ANAPC4: variants seen among roughly 807,000 people sequenced by gnomAD.
ANAPC4 encodes anaphase promoting complex subunit 4, also known as anaphase-promoting complex subunit 4.
Under a neutral mutation model 119.8 loss-of-function variants are expected in ANAPC4, and 63 were observed. The ratio of observed to expected loss-of-function variants is 0.53; its 90% confidence interval spans 0.43 to 0.65. The LOEUF (loss-of-function observed/expected upper bound fraction) is 0.65. Among genes scored for constraint, ANAPC4 ranks in the 30% least tolerant of loss-of-function variants. The pLI is 0.00. For missense variants in ANAPC4, 716 were observed against 945.1 expected (o/e 0.76, Z 3.18); for synonymous variants, 283 against 318.6 (o/e 0.89, Z 1.19).
In ANAPC4 at chr4:25,406,888, A is replaced by G; in HGVS notation, c.1374+3A>G. 1 of 1,592,608 alleles carries G rather than the reference A, an allele frequency of 6.3e-7. No homozygotes were observed. The highest frequency in any genetic ancestry group is 8.6e-7 in the Non-Finnish European group (1 of 1,168,512). ...TTCTTACTGAACATTTCAATGAGGTAAGAAGTTGATATTTCTGTAATGCAG... is the reference window on the plus strand; with the variant it reads ...TTCTTACTGAACATTTCAATGAGGTGAGAAGTTGATATTTCTGTAATGCAG... On this transcript the variant is annotated splice_donor_region_variant and intron_variant, in intron 19 of 28. Coordinates refer to ENST00000315368, the MANE Select transcript of ANAPC4 (RefSeq NM_013367.3).
At position 25,396,685 on chromosome 4, in the gene ANAPC4, C is replaced by A. The variant is rs1722670746; in HGVS notation, c.1083C>A (p.Tyr361Ter). 3 of 1,612,148 alleles carry A rather than the reference C, an allele frequency of 1.9e-6. No homozygotes were observed. The highest frequency in any genetic ancestry group is 2.5e-6 in the Non-Finnish European group (3 of 1,179,262). ...HLQSGSESLLYHLSELKGMAS... is the reference protein window; with the variant it reads ...HLQSGSESLL ...ATAGTGGCTCGGAGTCTTTATTATA[C>A]CATTTGAGTGAATTGAAAGGAATGG... Residue 361 changes from tyrosine to a stop codon, truncating the protein, a stop_gained, in exon 15 of 29, where the codon TAC becomes TAA. Transcript: ENST00000315368. LOFTEE classifies it high-confidence loss of function.
chr4:25,399,668 G>A lies in ANAPC4; in HGVS notation c.1214+2769G>A, dbSNP rs975248331. ...GTGTTAGATGTATGGAATTTGAAAT[G>A]CCCATTAGATCTGCAGGTGGAGCTG... On this transcript the variant is annotated intron_variant, in intron 16 of 28. Coordinates refer to ENST00000315368, the MANE Select transcript of ANAPC4 (RefSeq NM_013367.3). Among the ~76,000 whole-genome samples, 6 of 152,238 alleles carry A rather than the reference G, an allele frequency of 3.9e-5. No individual in the cohort carries two copies. The East Asian group carries it at 1.2e-3, about 29-fold the overall frequency.
intron 16 of ANAPC4, among the ~76,000 whole-genome samples, chr4:25,398,706 G>C (rs141252636): frequency 6.6e-6 from 1 of 152,262 alleles, no homozygotes; most frequent in African/African-American, 2.4e-5. Flanking sequence ...ATAGCTCATA[G>C]ATAGGCAAGG....
chr4:25,416,466 C>G lies in ANAPC4; in HGVS notation c.1943C>G (p.Thr648Ser). 1 of 1,588,986 alleles carries G rather than the reference C, an allele frequency of 6.3e-7. No homozygotes were observed. The highest frequency in any genetic ancestry group is 8.6e-7 in the Non-Finnish European group (1 of 1,164,588). The change falls in exon 27 of 29, where the codon ACT becomes AGT. Residue 648 changes from threonine to serine, a missense_variant. Physicochemically the swap from Thr to Ser is moderately conservative, Grantham distance 58. This residue lies in a region of ANAPC4 where 504 missense variants were observed against 615.8 expected (regional missense o/e 0.82). Transcript: ENST00000315368. ...CLDAQFYDDE[T>S]VTVVLKDTVG... ...GATGCACAGTTTTATGATGATGAAA[C>G]TGTAACAGTAGTTCTTAAAGACACT...
chr4:25,412,921 T>C (rs1723653094), intron 21 of ANAPC4: 1 of 152,156 alleles, frequency 6.6e-6, no homozygotes, highest in Non-Finnish European at 1.5e-5. Flanking sequence ...GTTCATTTTA[T>C]CCAGCATGGC....
intron 7 of ANAPC4, 84 bp from the exon 8 acceptor site, chr4:25,390,052 C>A: frequency 2.2e-6 from 2 of 922,646 alleles, no homozygotes; most frequent in Non-Finnish European, 3.4e-6. Context: ...TATATGAAAG[C>A]AGTAATAATT....
chr4:25,383,407 C>CAATTTTCTTGG lies in ANAPC4; in HGVS notation c.368+14_368+15insAATTTTCTTGG. The CAATTTTCTTGG allele has an allele frequency of 6.3e-7, 1 of 1,596,276 alleles. No individual in the cohort carries two copies. The highest frequency in any genetic ancestry group is 8.5e-7 in the Non-Finnish European group (1 of 1,173,974). On this transcript the variant is annotated intron_variant, in intron 4 of 28. Coordinates refer to ENST00000315368, the MANE Select transcript of ANAPC4 (RefSeq NM_013367.3). ...AGTAGAAAGCAGGTAATTAGAAAAA[C>CAATTTTCTTGG]TTATGTAGTCATAGGGTATTCATGA...
chr4:25,404,573 AACTGTAG>A (rs1182929429), intron 17 of ANAPC4, among the ~76,000 whole-genome samples: 1 of 152,068 alleles, frequency 6.6e-6, no homozygotes. Context: ...TACATATTCT[AACTGTAG>A]TAAGAATCAG....
intron 27 of ANAPC4, 115 bp from the exon 28 acceptor site, chr4:25,417,501 A>G: frequency 9.6e-7 from 1 of 1,043,138 alleles, no homozygotes; most frequent in Non-Finnish European, 1.3e-6. Context: ...ATTATATTGG[A>G]AATAGAAGTA....
intron 20 of ANAPC4, 26 bp downstream of exon 20, chr4:25,407,279 A>G: frequency 6.4e-7 from 1 of 1,553,682 alleles, no homozygotes; most frequent in Non-Finnish European, 8.7e-7. Context: ...TCATTTTAAA[A>G]CCTTAGCAGT....
chr4:25,391,427 C>T (rs1374463453), intron 9 of ANAPC4, among the ~76,000 whole-genome samples: 1 of 152,144 alleles, frequency 6.6e-6, no homozygotes, highest in African/African-American at 2.4e-5. Flanking sequence ...GTTATTATCC[C>T]CATTTTATAG....
intron 20 of ANAPC4, among the ~76,000 whole-genome samples, chr4:25,408,009 C>T (rs1384896526): frequency 2.0e-5 from 3 of 152,108 alleles, no homozygotes; most frequent in East Asian, 3.8e-4. Context: ...AGAGTGGTAA[C>T]GTTTCATATT....
Position 25,405,918 on chromosome 4 carries a change from A to G in ANAPC4, c.1317+299A>G, listed in dbSNP as rs140920481. Among the ~76,000 whole-genome samples, 4 of 152,312 alleles carry G rather than the reference A, an allele frequency of 2.6e-5. No homozygotes were observed. Among genetic ancestry groups the G allele is most frequent in the African/African-American group, 9.6e-5 (4 of 41,574 alleles). Reference sequence around the variant, plus strand: ...TTACTTTGACTTCCTTAAATTTTAAATGCTTCTTATTTTCCTTGGAAATCA... The same window carrying G: ...TTACTTTGACTTCCTTAAATTTTAAGTGCTTCTTATTTTCCTTGGAAATCA... On this transcript the variant is annotated intron_variant, in intron 18 of 28. Coordinates refer to ENST00000315368, the MANE Select transcript of ANAPC4 (RefSeq NM_013367.3). The surrounding 1 kb of genome is among the most constrained non-coding windows in gnomAD (Gnocchi z 4.6).
intron 16 of ANAPC4, among the ~76,000 whole-genome samples, chr4:25,399,654 A>G (rs1405575742): frequency 1.3e-5 from 2 of 152,128 alleles, no homozygotes; most frequent in Non-Finnish European, 2.9e-5. Context: ...TGTTAGATGT[A>G]TGGAATTTGA....
chr4:25,408,459 C>T (rs1723385638), intron 20 of ANAPC4, among the ~76,000 whole-genome samples: 1 of 151,788 alleles, frequency 6.6e-6, no homozygotes, highest in African/African-American at 2.4e-5. Flanking sequence ...TCATTAATAG[C>T]ACCACCAATT....
intron 21 of ANAPC4, 107 bp from the exon 22 acceptor site, chr4:25,413,538 C>T (rs1723693688): frequency 2.8e-6 from 2 of 704,158 alleles, no homozygotes; most frequent in Admixed American, 3.3e-5. Context: ...GAAAATTCTA[C>T]CTCGAGATAA....
intron 2 of ANAPC4, 46 bp from the exon 3 acceptor site, chr4:25,380,327 TG>T (rs764132658): frequency 6.8e-7 from 1 of 1,476,582 alleles, no homozygotes; most frequent in South Asian, 1.2e-5. Flanking sequence ...ATTTTATTTT[TG>T]GAAATGAATT....
chr4:25,409,385 A>C (rs1723442471), intron 20 of ANAPC4, among the ~76,000 whole-genome samples: 3 of 152,332 alleles, frequency 2.0e-5, no homozygotes, highest in African/African-American at 7.2e-5. Flanking sequence ...GACTAAACAA[A>C]CTACCAACTG....
intron 14 of ANAPC4, among the ~76,000 whole-genome samples, chr4:25,396,130 T>G (rs564544275): frequency 6.6e-6 from 1 of 152,348 alleles, no homozygotes; most frequent in East Asian, 1.9e-4. Flanking sequence ...AAAGCCTTTC[T>G]GAATCCCAGA....
Sources: gnomAD v4.1 joint callset for allele counts (sites outside exome capture counted in the v4.1 genomes callset) on GRCh38, gnomAD v4.1.1 for gene constraint, gnomAD v4.1.1 regional missense constraint, Gnocchi (gnomAD v3.1) non-coding constraint, MANE v1.5 for transcripts, NCBI Gene and HGNC (gene_info 2026-07-23, HGNC 2026-07-21) for gene names.